The following KIF14 variants were observed in gnomAD, a reference collection of about 807,000 sequenced individuals.
KIF14 encodes the protein kinesin-like protein KIF14.
Under a neutral mutation model 176.2 loss-of-function variants are expected in KIF14, and 98 were observed. The ratio of observed to expected loss-of-function variants is 0.56; its 90% confidence interval spans 0.47 to 0.66. The LOEUF (loss-of-function observed/expected upper bound fraction) is 0.66, where lower values mean the gene tolerates loss of function less well. KIF14 is among the 30% of genes least tolerant of loss of function. KIF14 has a pLI of 0.00. For synonymous variants in KIF14, 566 were observed against 632.2 expected (o/e 0.90, Z 1.57); for missense variants, 1,751 against 1,920.4 (o/e 0.91, Z 1.65).
rs767618453 is a variant in KIF14, at chr1:200,617,817, T to C, written c.907A>G (p.Ile303Val). The stretch of plus-strand genomic sequence containing the variant: ...AGGTTAGACATTCTATTCTTCAGTA[T>C]TGATGGAGCTGGGCTCTTAAGCTGA... Reference protein sequence around the residue: ...LPQLKSPAPSILKNRMSNLQV... With the variant: ...LPQLKSPAPSVLKNRMSNLQV... Residue 303 changes from isoleucine (I) to valine (V), a missense_variant, in exon 2 of 30, where the codon ATA becomes GTA. Coordinates refer to ENST00000367350, the MANE Select transcript of KIF14 (RefSeq NM_014875.3). The C allele has an allele frequency of 5.6e-6, 9 of 1,614,088 alleles. No homozygotes were observed. Among genetic ancestry groups the C allele is most frequent in the Admixed American group, 1.7e-5 (1 of 60,010 alleles).
At chr1:200,574,324 A>G (rs1347107904) in intron 22 of KIF14, among the ~76,000 whole-genome samples, 1 of 152,180 alleles carries the variant, frequency 6.6e-6, no homozygotes, top group African/African-American at 2.4e-5. Flanking sequence ...TAAATGCTCC[A>G]TCTCAGGCAA....
chr1:200,618,218 T>C lies in KIF14; in HGVS notation c.506A>G (p.Asn169Ser). 1 of 1,614,020 alleles carries C rather than the reference T, an allele frequency of 6.2e-7. No individual in the cohort carries two copies. Among genetic ancestry groups the C allele is most frequent in the Non-Finnish European group, 8.5e-7 (1 of 1,180,022 alleles). The change falls in exon 2 of 30, where the codon AAT becomes AGT. Residue 169 changes from asparagine to serine, a missense_variant. By Grantham distance (46) the Asn-to-Ser change is conservative (BLOSUM62 1). Transcript: ENST00000367350. ...AGAGGCAACAAAAGAGTTTTTAGCA[T>C]TATTTACAATCCTTACATTTGTTCT... ...ESRTNVRIVN[N>S]AKNSFVASSV...
chr1:200,586,794 T>TATATATATATATATAC (rs1281893477), intron 18 of KIF14, among the ~76,000 whole-genome samples: 2 of 22,504 alleles, frequency 8.9e-5, no homozygotes, highest in South Asian at 2.1e-3. Context: ...TACATACATA[T>TATATATATATATATAC]ATATATATAT....
At chr1:200,594,645 A>G (rs1344008844) in intron 14 of KIF14, among the ~76,000 whole-genome samples, 2 of 152,178 alleles carry the variant, frequency 1.3e-5, no homozygotes, top group Admixed American at 1.3e-4. Context: ...AGTGCTACAT[A>G]TTTGAGTCTT....
In KIF14 at chr1:200,578,654, T is replaced by A. The variant is rs114037970; in HGVS notation, c.3465+1600A>T. On this transcript the variant is annotated intron_variant, in intron 21 of 29. Transcript: ENST00000367350. ...TCTGGAATAATAGATGGATTCAAAT[T>A]TGCCAAATTAAAAATGCCTGTATAA... Among the ~76,000 whole-genome samples, 154 of 152,010 alleles carry A rather than the reference T, an allele frequency of 1.0e-3. 1 individual carries two copies. The highest frequency in any genetic ancestry group is 3.5e-3 in the African/African-American group (146 of 41,444).
intron 14 of KIF14, among the ~76,000 whole-genome samples, chr1:200,594,386 A>C (rs1197015909): frequency 6.6e-6 from 1 of 151,518 alleles, no homozygotes; most frequent in African/African-American, 2.4e-5. Flanking sequence ...AAAAAAAAAA[A>C]AAAAAAACTA....
rs1248427393 is a variant in KIF14 at position 200,617,841 on chromosome 1, G to C, written c.883C>G (p.Gln295Glu). The change falls in exon 2 of 30, where the codon CAG becomes GAG. Residue 295 changes from glutamine (Q) to glutamate (E), a missense_variant. Physicochemically the swap from Gln to Glu is conservative, Grantham distance 29. Transcript: ENST00000367350. Reference protein sequence around the residue: ...HKLTTKCSLPQLKSPAPSILK... With the variant: ...HKLTTKCSLPELKSPAPSILK... Reference sequence around the variant, plus strand: ...ATTGATGGAGCTGGGCTCTTAAGCTGAGGCAGGCTGCACTTTGTTGTCAGT... The same window carrying C: ...ATTGATGGAGCTGGGCTCTTAAGCTCAGGCAGGCTGCACTTTGTTGTCAGT... The C allele has an allele frequency of 6.2e-7, 1 of 1,614,046 alleles. No individual in the cohort carries two copies. The highest frequency in any genetic ancestry group is 8.5e-7 in the Non-Finnish European group (1 of 1,180,040).
chr1:200,605,231 G>A (rs1201219262), intron 8 of KIF14, 52 bp downstream of exon 8: 2 of 1,499,276 alleles, frequency 1.3e-6, no homozygotes, highest in Non-Finnish European at 1.8e-6. Flanking sequence ...CTTGGTCTGG[G>A]TTATCACCAG....
At position 200,565,210 on chromosome 1, in the gene KIF14, A is replaced by G. The variant is rs1308842721; in HGVS notation, c.3930T>C (p.Thr1310=). 1.2e-6 allele frequency: 2 copies of G among 1,612,678 alleles called. No individual in the cohort carries two copies. Among genetic ancestry groups the G allele is most frequent in the Non-Finnish European group, 1.7e-6 (2 of 1,179,686 alleles). Residue 1310 remains threonine, a synonymous_variant, in exon 25 of 30, where the codon ACT becomes ACC. Transcript: ENST00000367350. ...CTACTAGCTGCTCAAAAGCACATGC[A>G]GTCTGAATAGTAAGTGACTGGATTG... ...DRAIQSLTIQ[T]ACAFEQLVVL...
chr1:200,617,531 C>G (rs1660459977), intron 2 of KIF14, 81 bp downstream of exon 2: 3 of 1,378,362 alleles, frequency 2.2e-6, no homozygotes, highest in Non-Finnish European at 3.0e-6. Flanking sequence ...CACGAATACA[C>G]TGACCTTCCA....
At chr1:200,606,484 A>C (rs1659884729) in intron 6 of KIF14, among the ~76,000 whole-genome samples, 2 of 152,232 alleles carry the variant, frequency 1.3e-5, no homozygotes, top group Admixed American at 1.3e-4. Context: ...TATTTACTTC[A>C]TAGTATAATG....
Position 200,555,454 on chromosome 1 carries a change from C to A in KIF14, c.4354G>T (p.Val1452Phe). 6.7e-7 allele frequency: 1 copy of A among 1,494,654 alleles called. No homozygotes were observed. The highest frequency in any genetic ancestry group is 9.1e-7 in the Non-Finnish European group (1 of 1,099,190). The allele number at this position is 1,494,654 out of a possible 1,614,324, so 92.6% of individuals were successfully genotyped here. The change falls in exon 28 of 30, where the codon GTT becomes TTT. Residue 1452 changes from valine to phenylalanine, a missense_variant and splice_region_variant. Transcript: ENST00000367350. ...ELFRQCTKNE[V>F]TKEMKTNAMG... Reference sequence around the variant, plus strand: ...GCATTAGTTTTCATTTCTTTGGTAACCTATAGAGAATGTTAAAATATTTTA... The same window carrying A: ...GCATTAGTTTTCATTTCTTTGGTAAACTATAGAGAATGTTAAAATATTTTA...
chr1:200,576,434 C>G (rs540206181), intron 21 of KIF14, among the ~76,000 whole-genome samples: 4 of 147,302 alleles, frequency 2.7e-5, no homozygotes, highest in Non-Finnish European at 4.5e-5. Context: ...GCCGAGATCG[C>G]GCCACTGCAC....
chr1:200,564,924 C>A, intron 25 of KIF14, 145 bp downstream of exon 25: 2 of 616,860 alleles, frequency 3.2e-6, no homozygotes, highest in Non-Finnish European at 5.6e-6. Context: ...AAATCAATTA[C>A]AGACAACCAC....
intron 19 of KIF14, among the ~76,000 whole-genome samples, chr1:200,584,724 T>C (rs992860100): frequency 6.6e-6 from 1 of 152,230 alleles, no homozygotes; most frequent in Non-Finnish European, 1.5e-5. Flanking sequence ...AGGCTATATA[T>C]GACAAGCCCA....
In KIF14 at chr1:200,606,929, C is replaced by A. The variant is rs557795370; in HGVS notation, c.1555-131G>T. 383 of 745,058 alleles carry A rather than the reference C, an allele frequency of 5.1e-4. 1 individual carries two copies. The highest frequency in any genetic ancestry group is 2.0e-3 in the South Asian group (114 of 57,616). 46.2% of individuals were successfully genotyped at this position (745,058 alleles called of 1,614,324 possible). A position where few individuals can be genotyped will look rare whatever the true frequency, so the allele number is the denominator to read the frequency against. On this transcript the variant is annotated intron_variant, in intron 5 of 29. Coordinates refer to ENST00000367350, the MANE Select transcript of KIF14 (RefSeq NM_014875.3). ...TTATTTTATCCAGGAAAAAAAAAAA[C>A]CACAAAAACTCTCACAAAAACAAAT...
At chr1:200,563,661 G>A (rs1313141917) in intron 25 of KIF14, among the ~76,000 whole-genome samples, 27 of 152,038 alleles carry the variant, frequency 1.8e-4, no homozygotes, top group Non-Finnish European at 1.0e-4. Flanking sequence ...GCCTCCCAAA[G>A]TCCTAGTATT....
intron 10 of KIF14, among the ~76,000 whole-genome samples, chr1:200,602,783 T>C (rs1029699144): frequency 3.3e-5 from 5 of 152,228 alleles, no homozygotes; most frequent in Non-Finnish European, 7.3e-5. Context: ...TGAGCACCCA[T>C]GTATTAGTCA....
At chr1:200,565,294 C>T in intron 24 of KIF14, 41 bp from the exon 25 acceptor site, 2 of 1,536,728 alleles carry the variant, frequency 1.3e-6, no homozygotes, top group Non-Finnish European at 1.8e-6. Flanking sequence ...AAATATTATC[C>T]AAATAAAAGA....
Sources: allele counts gnomAD v4.1 joint callset (sites outside exome capture counted in the v4.1 genomes callset), GRCh38; gene constraint gnomAD v4.1.1; transcripts MANE v1.5; gene names NCBI Gene and HGNC (gene_info 2026-07-23, HGNC 2026-07-21).